TUSC3: variants seen among roughly 807,000 people sequenced by gnomAD.
TUSC3 encodes the protein tumor suppressor candidate 3, also known as dolichyl-diphosphooligosaccharide--protein glycosyltransferase subunit TUSC3.
A neutral mutation model predicts 44.8 loss-of-function variants in TUSC3; 45 were observed. The observed-to-expected ratio is 1.00, with a 90% CI of 0.79 to 1.29. The LOEUF (loss-of-function observed/expected upper bound fraction) is 1.29, where lower values mean the gene tolerates loss of function less well. Among genes scored for constraint, TUSC3 ranks in the 50% most tolerant of loss-of-function variants. TUSC3 has a pLI of 0.00. For synonymous variants in TUSC3, 212 were observed against 152.9 expected (o/e 1.39, Z -2.85); for missense variants, 519 against 437.9 (o/e 1.19, Z -1.65).
intron 1 of TUSC3, among the ~76,000 whole-genome samples, chr8:15,480,029 A>G (rs1397418140): frequency 6.6e-6 from 1 of 152,198 alleles, no homozygotes; most frequent in Non-Finnish European, 1.5e-5. Flanking sequence ...GAGCCAAATC[A>G]TGAATGAATG....
chr8:15,821,268 T>C, the TUSC3 span, among the ~76,000 whole-genome samples: 1 of 152,124 alleles, frequency 6.6e-6, no homozygotes, highest in Non-Finnish European at 1.5e-5. Context: ...AAATCATTGT[T>C]TCCCTGTTTG....
the TUSC3 span, among the ~76,000 whole-genome samples, chr8:15,812,788 A>G: frequency 0.7 from 105,725 of 151,902 alleles, 38,213 homozygotes; most frequent in Non-Finnish European, 0.81. Flanking sequence ...CCATGATTTT[A>G]TATCATATGA....
At chr8:15,654,858 A>G (rs1246485379) in intron 3 of TUSC3, among the ~76,000 whole-genome samples, 6 of 152,172 alleles carry the variant, frequency 3.9e-5, no homozygotes, top group Non-Finnish European at 5.9e-5. Flanking sequence ...AGAAGGTATT[A>G]TGATATCCTG....
intron 10 of TUSC3, among the ~76,000 whole-genome samples, chr8:15,759,137 A>G (rs13278598): frequency 0.18 from 27,095 of 152,154 alleles, 3,280 homozygotes; most frequent in Non-Finnish European, 0.27. Flanking sequence ...CACAAGGTCA[A>G]TGGGCCGGAA....
At chr8:15,449,985 G>C (rs1209925642) in intron 1 of TUSC3, among the ~76,000 whole-genome samples, 4 of 152,140 alleles carry the variant, frequency 2.6e-5, no homozygotes, top group Admixed American at 2.0e-4. Context: ...ACATAGCCTA[G>C]GTGTGCAGGA....
At chr8:15,573,327 C>A (rs1378466805) in intron 1 of TUSC3, among the ~76,000 whole-genome samples, 1 of 150,794 alleles carries the variant, frequency 6.6e-6, no homozygotes, top group East Asian at 1.9e-4. Context: ...TTCCAATCCA[C>A]ATCCAGGGTA....
intron 10 of TUSC3, among the ~76,000 whole-genome samples, chr8:15,762,893 T>G (rs1377592621): frequency 1.4e-4 from 6 of 41,998 alleles, no homozygotes; most frequent in Non-Finnish European, 2.8e-4. Flanking sequence ...TGACAAGGTT[T>G]ACTGCTGACA....
At chr8:15,839,956 A>T in the TUSC3 span, among the ~76,000 whole-genome samples, 3 of 152,216 alleles carry the variant, frequency 2.0e-5, no homozygotes, top group Non-Finnish European at 4.4e-5. Context: ...TACTCACAAT[A>T]GCAAAGACTT....
chr8:15,799,935 G>A, the TUSC3 span, among the ~76,000 whole-genome samples: 1 of 152,118 alleles, frequency 6.6e-6, no homozygotes, highest in Non-Finnish European at 1.5e-5. Flanking sequence ...AGTCCCACAG[G>A]GCAACACAAA....
intron 6 of TUSC3, among the ~76,000 whole-genome samples, chr8:15,689,922 A>G (rs907173670): frequency 6.6e-6 from 1 of 151,068 alleles, no homozygotes; most frequent in African/African-American, 2.4e-5. Flanking sequence ...ATTGATGGAC[A>G]TTTAGGTTAA....
At chr8:15,477,498 A>T (rs532349965) in intron 1 of TUSC3, among the ~76,000 whole-genome samples, 48 of 152,228 alleles carry the variant, frequency 3.2e-4, no homozygotes, top group Admixed American at 1.0e-3. Context: ...TGAGGCAGGC[A>T]GATCACGAGG....
intron 2 of TUSC3, among the ~76,000 whole-genome samples, chr8:15,630,926 G>C (rs1206651899): frequency 6.6e-6 from 1 of 151,972 alleles, no homozygotes; most frequent in Admixed American, 6.6e-5. Context: ...GGTAAACTTG[G>C]GTCCCTTGTA....
the TUSC3 span, among the ~76,000 whole-genome samples, chr8:15,810,745 C>T: frequency 1.3e-5 from 2 of 152,122 alleles, no homozygotes; most frequent in East Asian, 1.9e-4. Context: ...ATTGAAGTCG[C>T]CCTGCAAAGT....
chr8:15,621,789 A>G (rs1805258589), intron 1 of TUSC3, among the ~76,000 whole-genome samples: 1 of 151,200 alleles, frequency 6.6e-6, no homozygotes, highest in African/African-American at 2.4e-5. Flanking sequence ...TTAAAAAAAA[A>G]ACACAGCCGA....
At chr8:15,771,169 A>G (rs1202890479), downstream of TUSC3, among the ~76,000 whole-genome samples, 1 of 152,206 alleles carries the variant, frequency 6.6e-6, no homozygotes, top group African/African-American at 2.4e-5. Flanking sequence ...TTTAAAATGA[A>G]GGATAAAGTA....
chr8:15,686,802 C>G (rs1354749041), intron 6 of TUSC3, among the ~76,000 whole-genome samples: 1 of 152,292 alleles, frequency 6.6e-6, no homozygotes. Flanking sequence ...GGCGTGGTGG[C>G]TCAAGCCTGT....
intron 5 of TUSC3, among the ~76,000 whole-genome samples, chr8:15,673,498 AT>A (rs1331173942): frequency 6.6e-6 from 1 of 152,084 alleles, no homozygotes; most frequent in Non-Finnish European, 1.5e-5. Context: ...TACATATGTT[AT>A]CCGATGTAAT....
chr8:15,441,281 G>T (rs1800017739), intron 1 of TUSC3, among the ~76,000 whole-genome samples: 1 of 151,974 alleles, frequency 6.6e-6, no homozygotes, highest in Non-Finnish European at 1.5e-5. Flanking sequence ...GTGGCACGTG[G>T]CTGTAATCCC....
chr8:15,695,357 C>T (rs1305889811), intron 6 of TUSC3, among the ~76,000 whole-genome samples: 1 of 152,204 alleles, frequency 6.6e-6, no homozygotes, highest in Non-Finnish European at 1.5e-5. Flanking sequence ...TGCATTAACT[C>T]TCTCTTGCCA....
Sources: allele counts gnomAD v4.1 joint callset (sites outside exome capture counted in the v4.1 genomes callset), GRCh38; gene constraint gnomAD v4.1.1; transcripts MANE v1.5; gene names NCBI Gene and HGNC (gene_info 2026-07-23, HGNC 2026-07-21).